The following RALYL variants were observed in gnomAD, a reference collection of about 807,000 sequenced individuals.
The protein encoded by RALYL is RALY RNA binding protein like, also known as RNA-binding Raly-like protein.
A neutral mutation model predicts 35.1 loss-of-function variants in RALYL; 29 were observed. That is an observed-to-expected ratio of 0.83 (90% CI 0.61 to 1.13). The LOEUF (loss-of-function observed/expected upper bound fraction) is 1.13, where lower values mean the gene tolerates loss of function less well. Among genes scored for constraint, RALYL ranks in the 50% most tolerant of loss-of-function variants. The pLI, the probability that RALYL is intolerant of heterozygous loss-of-function variation, is 0.00. For missense variants in RALYL, 359 were observed against 360.4 expected, an observed-to-expected ratio of 1.00 and a Z score of 0.03; for synonymous variants, 120 against 127.6, an observed-to-expected ratio of 0.94 and a Z score of 0.40.
intron 2 of RALYL, among the ~76,000 whole-genome samples, chr8:84,734,119 T>G (rs1846768871): frequency 6.6e-6 from 1 of 152,186 alleles, no homozygotes; most frequent in Admixed American, 6.6e-5. Context: ...AAACCCTGCA[T>G]AGTCTATTTG....
chr8:84,674,928 T>A (rs113648523), intron 2 of RALYL, among the ~76,000 whole-genome samples: 71 of 152,176 alleles, frequency 4.7e-4, no homozygotes, highest in African/African-American at 1.6e-3. Flanking sequence ...TTCTTACTTA[T>A]GTTTATTTAA....
At chr8:84,748,646 A>G (rs1179345466) in intron 2 of RALYL, among the ~76,000 whole-genome samples, 3 of 152,114 alleles carry the variant, frequency 2.0e-5, no homozygotes, top group East Asian at 3.9e-4. Flanking sequence ...GATTCACTTT[A>G]AATAGATTTA....
At chr8:84,446,974 G>T (rs2048925379) in intron 1 of RALYL, among the ~76,000 whole-genome samples, 1 of 151,992 alleles carries the variant, frequency 6.6e-6, no homozygotes, top group Admixed American at 6.6e-5. Context: ...CGAGCATTTT[G>T]CCAGAGTCAA....
At chr8:84,623,191 G>A (rs1821947219) in intron 2 of RALYL, among the ~76,000 whole-genome samples, 1 of 152,062 alleles carries the variant, frequency 6.6e-6, no homozygotes, top group Non-Finnish European at 1.5e-5. Context: ...TGTTAGATTT[G>A]TTGTTTTATT....
At chr8:84,323,246 G>A (rs2130467994) in intron 1 of RALYL, among the ~76,000 whole-genome samples, 1 of 151,860 alleles carries the variant, frequency 6.6e-6, no homozygotes, top group South Asian at 2.1e-4. Context: ...TCAAGTTTTA[G>A]GAAAAGCTCA....
intron 2 of RALYL, among the ~76,000 whole-genome samples, chr8:84,599,087 C>G (rs1815282830): frequency 6.6e-6 from 1 of 152,052 alleles, no homozygotes; most frequent in African/African-American, 2.4e-5. Context: ...TTTAGGGACA[C>G]TGTAAAACAT....
chr8:84,618,576 T>C (rs28880678), intron 2 of RALYL, among the ~76,000 whole-genome samples: 7,396 of 113,690 alleles, frequency 0.065, 683 homozygotes, highest in African/African-American at 0.22. Context: ...TGAAGGGTTT[T>C]TTGTGTCTCT....
chr8:84,497,422 A>T (rs1381026473), intron 1 of RALYL, among the ~76,000 whole-genome samples: 1 of 152,172 alleles, frequency 6.6e-6, no homozygotes, highest in Non-Finnish European at 1.5e-5. Context: ...CACAAATTTA[A>T]CTACTCCTTC....
At chr8:84,712,315 G>A (rs1441328926) in intron 2 of RALYL, among the ~76,000 whole-genome samples, 2 of 152,130 alleles carry the variant, frequency 1.3e-5, no homozygotes, top group East Asian at 3.9e-4. Context: ...ACGTACAAAG[G>A]CTGACTGATA....
At chr8:84,276,223 A>C (rs1835342435) in intron 1 of RALYL, among the ~76,000 whole-genome samples, 1 of 152,164 alleles carries the variant, frequency 6.6e-6, no homozygotes, top group African/African-American at 2.4e-5. Context: ...TCTGACACTT[A>C]TTAGCTAATA....
intron 1 of RALYL, among the ~76,000 whole-genome samples, chr8:84,373,721 TA>T (rs1345346689): frequency 1.3e-5 from 2 of 152,042 alleles, no homozygotes; most frequent in Non-Finnish European, 2.9e-5. Flanking sequence ...GGATTCATAT[TA>T]ATTTTAAAAT....
chr8:84,419,538 C>A (rs1315886087), intron 1 of RALYL, among the ~76,000 whole-genome samples: 1 of 150,828 alleles, frequency 6.6e-6, no homozygotes, highest in Non-Finnish European at 1.5e-5. Context: ...AATTTATGGT[C>A]TTAACTTTTT....
At chr8:84,557,255 CGAA>C (rs1166410753) in intron 2 of RALYL, among the ~76,000 whole-genome samples, 3 of 152,204 alleles carry the variant, frequency 2.0e-5, no homozygotes, top group African/African-American at 7.2e-5. Flanking sequence ...ATTGTTTCCT[CGAA>C]GGAGAGAGTT....
chr8:84,576,993 T>A (rs1468749832), intron 2 of RALYL, among the ~76,000 whole-genome samples: 2 of 152,224 alleles, frequency 1.3e-5, no homozygotes, highest in Non-Finnish European at 2.9e-5. Flanking sequence ...TCCACCACCT[T>A]GACTGTCTTC....
intron 3 of RALYL, among the ~76,000 whole-genome samples, chr8:84,782,925 C>A (rs544867670): frequency 1.3e-5 from 2 of 148,216 alleles, no homozygotes; most frequent in Non-Finnish European, 3.0e-5. Context: ...TATCCAGTGA[C>A]CTGTTTCTTG....
intron 1 of RALYL, among the ~76,000 whole-genome samples, chr8:84,266,823 G>T (rs553687303): frequency 2.0e-4 from 30 of 151,992 alleles, no homozygotes; most frequent in Admixed American, 1.2e-3. Flanking sequence ...AGCCGGGCGT[G>T]GTAGCGGGCG....
chr8:84,710,266 T>A (rs1025137223), intron 2 of RALYL, among the ~76,000 whole-genome samples: 1 of 152,022 alleles, frequency 6.6e-6, no homozygotes, highest in African/African-American at 2.4e-5. Context: ...CTCTTTCCCT[T>A]CTATCTTTTC....
chr8:84,732,683 T>TATATATATATATATACACACAC, intron 2 of RALYL, among the ~76,000 whole-genome samples: 39 of 133,226 alleles, frequency 2.9e-4, no homozygotes, highest in African/African-American at 9.1e-4. Flanking sequence ...TATATATATA[T>TATATATATATATATACACACAC]ACACACACAC....
At chr8:84,903,049 ATTT>A (rs1240479796) in intron 8 of RALYL, among the ~76,000 whole-genome samples, 1 of 151,794 alleles carries the variant, frequency 6.6e-6, no homozygotes, top group Admixed American at 6.6e-5. Flanking sequence ...TGAGACTCTT[ATTT>A]TTTTTAACGA....
Sources: allele counts gnomAD v4.1 joint callset (sites outside exome capture counted in the v4.1 genomes callset), GRCh38; gene constraint gnomAD v4.1.1; transcripts MANE v1.5; gene names NCBI Gene and HGNC (gene_info 2026-07-23, HGNC 2026-07-21).